RGS6: variants seen among roughly 807,000 people sequenced by gnomAD.
RGS6 encodes regulator of G protein signaling 6.
RGS6 carries 30 observed loss-of-function variants against 78.5 expected under a neutral mutation model. The observed-to-expected ratio is 0.38, with a 90% CI of 0.29 to 0.52. The LOEUF (loss-of-function observed/expected upper bound fraction) is 0.52, where lower values mean the gene tolerates loss of function less well. Ranked by LOEUF, RGS6 falls within the 20% of genes least tolerant of loss-of-function variation. The pLI is 0.85. For synonymous variants in RGS6, 206 were observed against 206.0 expected (o/e 1.00, Z 0.00); for missense variants, 495 against 609.7 (o/e 0.81, Z 1.98).
chr14:72,298,055 G>C (rs1174976809), intron 2 of RGS6, among the ~76,000 whole-genome samples: 1 of 151,812 alleles, frequency 6.6e-6, no homozygotes, highest in African/African-American at 2.4e-5. Context: ...GTCATTTCCT[G>C]TTCTGTCTTG....
At chr14:72,361,584 G>A (rs545127110) in intron 3 of RGS6, among the ~76,000 whole-genome samples, 16 of 152,298 alleles carry the variant, frequency 1.1e-4, no homozygotes, top group Admixed American at 9.2e-4. Context: ...TAGGAACAAG[G>A]CATTGAAATG....
At position 72,180,426 on chromosome 14, in the gene RGS6, A is replaced by G. The variant is rs546329960; in HGVS notation, c.85-171669A>G. Among the ~76,000 whole-genome samples, 21 of 152,366 alleles carry G rather than the reference A, an allele frequency of 1.4e-4. No individual in the cohort carries two copies. In the East Asian group the frequency reaches 3.7e-3, roughly 27 times the overall value. On this transcript the variant is annotated intron_variant, in intron 2 of 17. Coordinates refer to ENST00000553525, the MANE Select transcript of RGS6 (RefSeq NM_001204424.2). Reference sequence around the variant, plus strand: ...TGGCTCACTCCAAACTTTATACAAGACAGATGAAGGCAACTTCGATCTTAA... The same window carrying G: ...TGGCTCACTCCAAACTTTATACAAGGCAGATGAAGGCAACTTCGATCTTAA...
At chr14:72,430,317 A>G (rs1566827120) in intron 3 of RGS6, among the ~76,000 whole-genome samples, 2 of 152,200 alleles carry the variant, frequency 1.3e-5, no homozygotes, top group South Asian at 2.1e-4. Flanking sequence ...AAAACCCTCC[A>G]GTCATTATTT....
the RGS6 span, among the ~76,000 whole-genome samples, chr14:72,590,029 C>T: frequency 1.7e-4 from 26 of 152,176 alleles, no homozygotes; most frequent in Admixed American, 1.6e-3. Flanking sequence ...TGGCCAGTAA[C>T]ACATGAAAAG....
chr14:72,413,903 C>G (rs947757129), intron 3 of RGS6, among the ~76,000 whole-genome samples: 2 of 152,234 alleles, frequency 1.3e-5, no homozygotes, highest in African/African-American at 4.8e-5. Context: ...GGTCCCCACT[C>G]TCTTCTGGCT....
chr14:72,370,667 G>T (rs1313992305), intron 3 of RGS6, among the ~76,000 whole-genome samples: 1 of 152,154 alleles, frequency 6.6e-6, no homozygotes, highest in African/African-American at 2.4e-5. Context: ...AAGGGGCAGG[G>T]AGTATATTGT....
chr14:71,882,794 A>G, the RGS6 span, among the ~76,000 whole-genome samples: 1 of 152,236 alleles, frequency 6.6e-6, no homozygotes, highest in Non-Finnish European at 1.5e-5. Context: ...GTTAATTAGG[A>G]TGATTTTTGC....
the RGS6 span, among the ~76,000 whole-genome samples, chr14:71,927,305 T>C: frequency 1.3e-5 from 2 of 152,240 alleles, no homozygotes; most frequent in Admixed American, 1.3e-4. Flanking sequence ...GACATAACAT[T>C]ATTTCCAAGT....
intron 13 of RGS6, among the ~76,000 whole-genome samples, chr14:72,500,620 C>A (rs969360246): frequency 6.6e-6 from 1 of 152,210 alleles, no homozygotes; most frequent in Admixed American, 6.5e-5. Flanking sequence ...CACCAGAACT[C>A]CTCCTTGCTT....
At chr14:72,338,117 CCTG>C (rs777505122) in intron 2 of RGS6, among the ~76,000 whole-genome samples, 1 of 152,170 alleles carries the variant, frequency 6.6e-6, no homozygotes, top group African/African-American at 2.4e-5. Context: ...GCAGGAAAGT[CCTG>C]CTGCTTGTCC....
intron 1 of RGS6, among the ~76,000 whole-genome samples, chr14:71,956,217 G>A (rs2092774223): frequency 6.6e-6 from 1 of 152,036 alleles, no homozygotes; most frequent in African/African-American, 2.4e-5. Flanking sequence ...CATCTGTTTG[G>A]ATGGGAGCTT....
At chr14:72,166,897 T>C (rs1296896786) in intron 2 of RGS6, among the ~76,000 whole-genome samples, 2 of 152,234 alleles carry the variant, frequency 1.3e-5, no homozygotes, top group African/African-American at 4.8e-5. Flanking sequence ...GACTGGTAGC[T>C]GAACTAATTT....
At chr14:72,079,377 T>A (rs1382590576) in intron 2 of RGS6, among the ~76,000 whole-genome samples, 1 of 152,196 alleles carries the variant, frequency 6.6e-6, no homozygotes, top group Non-Finnish European at 1.5e-5. Context: ...AAGATATTGC[T>A]CAGCACTATT....
chr14:72,408,092 A>C (rs1347174523), intron 3 of RGS6, among the ~76,000 whole-genome samples: 1 of 152,212 alleles, frequency 6.6e-6, no homozygotes, highest in Non-Finnish European at 1.5e-5. Flanking sequence ...AAACCGACTC[A>C]TGCTTGTTTA....
chr14:72,364,460 G>T (rs1011379764), intron 3 of RGS6, among the ~76,000 whole-genome samples: 10 of 152,194 alleles, frequency 6.6e-5, no homozygotes, highest in Admixed American at 1.3e-4. Flanking sequence ...CAGCTCAGCA[G>T]CCTCCATCAG....
At chr14:72,603,260 G>C in the RGS6 span, among the ~76,000 whole-genome samples, 1 of 152,224 alleles carries the variant, frequency 6.6e-6, no homozygotes, top group Admixed American at 6.5e-5. Context: ...TAATAATGCA[G>C]CAAGACTTGA....
intron 2 of RGS6, among the ~76,000 whole-genome samples, chr14:72,336,459 T>C (rs1402063): frequency 0.35 from 53,010 of 151,714 alleles, 9,839 homozygotes; most frequent in African/African-American, 0.48. Flanking sequence ...TCAAATTAGT[T>C]AGTTTGGCTC....
the RGS6 span, chr14:72,612,721 A>C: frequency 2.3e-6 from 1 of 439,274 alleles, no homozygotes; most frequent in South Asian, 1.6e-5. Context: ...TGATAGCAGA[A>C]TTGAGACTTT....
the RGS6 span, among the ~76,000 whole-genome samples, chr14:72,581,888 A>C: frequency 4.6e-5 from 7 of 152,288 alleles, no homozygotes; most frequent in South Asian, 8.3e-4. Flanking sequence ...CCAATAAAAG[A>C]GTTTTATTTA....
Sources: allele counts gnomAD v4.1 joint callset (sites outside exome capture counted in the v4.1 genomes callset), GRCh38; gene constraint gnomAD v4.1.1; transcripts MANE v1.5; gene names NCBI Gene and HGNC (gene_info 2026-07-23, HGNC 2026-07-21).